The following RELN variants were observed in gnomAD, a reference collection of about 807,000 sequenced individuals.
RELN encodes reelin.
A neutral mutation model predicts 427.6 loss-of-function variants in RELN; 108 were observed. The observed-to-expected ratio is 0.25, with a 90% CI of 0.22 to 0.30. The LOEUF (loss-of-function observed/expected upper bound fraction) is 0.30. RELN is among the 10% of genes least tolerant of loss of function. The probability of loss-of-function intolerance (pLI) is 1.00; values close to 1 mark genes in which losing one functional copy is unlikely to be tolerated. For synonymous variants in RELN, 1,524 were observed against 1,513.4 expected (o/e 1.01, Z -0.16); for missense variants, 3,715 against 4,302.8 (o/e 0.86, Z 3.82).
At chr7:103,844,088 T>G in intron 2 of RELN, among the ~76,000 whole-genome samples, 1 of 152,110 alleles carries the variant, frequency 6.6e-6, no homozygotes, top group East Asian at 1.9e-4. Flanking sequence ...CAACCCAACT[T>G]CCAGTTTAGG....
intron 2 of RELN, among the ~76,000 whole-genome samples, chr7:103,869,600 T>A (rs79092766): frequency 0.011 from 1,703 of 152,222 alleles, 31 homozygotes; most frequent in African/African-American, 0.038. Flanking sequence ...TGTCCTGGCT[T>A]CCATTGTTTC....
intron 2 of RELN, among the ~76,000 whole-genome samples, chr7:103,861,573 A>T (rs1453145635): frequency 6.6e-6 from 1 of 152,146 alleles, no homozygotes. Context: ...TGCTCACCAA[A>T]AGGAAAAACC....
chr7:103,662,364 G>A (rs1355150429), intron 11 of RELN, among the ~76,000 whole-genome samples: 1 of 152,182 alleles, frequency 6.6e-6, no homozygotes, highest in Non-Finnish European at 1.5e-5. Context: ...GCTCACACAT[G>A]TAATCCTAGT....
At chr7:103,967,193 G>A (rs1477905638) in intron 1 of RELN, among the ~76,000 whole-genome samples, 1 of 152,038 alleles carries the variant, frequency 6.6e-6, no homozygotes, top group East Asian at 1.9e-4. Flanking sequence ...CTAACCCATG[G>A]AGACCAATTC....
At chr7:103,477,625 A>T (rs1457702479) in intron 64 of RELN, among the ~76,000 whole-genome samples, 1 of 152,242 alleles carries the variant, frequency 6.6e-6, no homozygotes, top group Non-Finnish European at 1.5e-5. Context: ...AGACACAAAC[A>T]TCTCACACAT....
Position 103,754,692 on chromosome 7 carries a change from C to T in RELN, c.545-1478G>A, listed in dbSNP as rs146364750. On this transcript the variant is annotated intron_variant, in intron 4 of 64. Transcript: ENST00000428762. ...TCAGGAGGCTGAGGCAGGAGGATCA[C>T]CTGAGGCCAGGAGTTTGAGGATGCA... Among the ~76,000 whole-genome samples the T allele has an allele frequency of 4.3e-3, 652 of 152,246 alleles. 3 individuals are homozygous for T. The highest frequency in any genetic ancestry group is 0.015 in the African/African-American group (613 of 41,538).
intron 2 of RELN, among the ~76,000 whole-genome samples, chr7:103,872,317 G>A (rs993518717): frequency 1.5e-5 from 2 of 135,042 alleles, no homozygotes; most frequent in Non-Finnish European, 3.2e-5. Context: ...TGCGGTGTTT[G>A]GTTTTTTGTT....
At chr7:103,602,519 A>C (rs1041236145) in intron 24 of RELN, among the ~76,000 whole-genome samples, 1 of 152,236 alleles carries the variant, frequency 6.6e-6, no homozygotes, top group African/African-American at 2.4e-5. Context: ...GGATGAGTTC[A>C]TGTCCTTTGC....
In RELN at chr7:103,540,364, C is replaced by T; in HGVS notation, c.6763G>A (p.Gly2255Ser). ...PVLLQYSLNG[G>S]LSWSLLQEFL... ...TCCTGAAGAAGACTCCACGAGAGGC[C>T]ACCGTTGAGAGAATACTGTAGGAGC... The change falls in exon 44 of 65, where the codon GGC becomes AGC. Residue 2255 changes from glycine (G) to serine (S), a missense_variant. Gly to Ser is a moderately conservative substitution (Grantham distance 56). Around this residue, in one of 4 missense-constraint regions of RELN, gnomAD observed 1,310 missense variants for 1,643.0 expected, o/e 0.80. Coordinates refer to ENST00000428762, the MANE Select transcript of RELN (RefSeq NM_005045.4). 6.2e-7 allele frequency: 1 copy of T among 1,614,078 alleles called. No individual in the cohort carries two copies. The highest frequency in any genetic ancestry group is 8.5e-7 in the Non-Finnish European group (1 of 1,180,028).
At chr7:103,737,148 G>A (rs1164080213) in intron 6 of RELN, among the ~76,000 whole-genome samples, 2 of 152,122 alleles carry the variant, frequency 1.3e-5, no homozygotes, top group Non-Finnish European at 1.5e-5. Flanking sequence ...ACAGATATAC[G>A]AGAGGTTCTG....
At position 103,864,739 on chromosome 7, in the gene RELN, A is replaced by T. The variant is rs536317826; in HGVS notation, c.338-31067T>A. On this transcript the variant is annotated intron_variant, in intron 2 of 64. Coordinates refer to ENST00000428762, the MANE Select transcript of RELN (RefSeq NM_005045.4). ...TTGGAGCAGAAATAGAAAATAGAAAAACAATAGAAAAAAACAACAAAACTG... is the reference window on the plus strand; with the variant it reads ...TTGGAGCAGAAATAGAAAATAGAAATACAATAGAAAAAAACAACAAAACTG... 3.9e-5 allele frequency among the ~76,000 whole-genome samples: 6 copies of T among 152,248 alleles called. No individual in the cohort carries two copies. The East Asian group carries it at 1.2e-3, about 29-fold the overall frequency.
intron 1 of RELN, among the ~76,000 whole-genome samples, chr7:103,959,077 G>A (rs908527578): frequency 1.2e-4 from 18 of 150,594 alleles, no homozygotes; most frequent in Non-Finnish European, 2.2e-4. Context: ...TGAGTAGTTG[G>A]GATTACAGGC....
At chr7:103,476,751 AG>A in intron 64 of RELN, 1 of 398,772 alleles carries the variant, frequency 2.5e-6, no homozygotes, top group Non-Finnish European at 5.1e-6. Flanking sequence ...ATTGGGAATT[AG>A]GGGAATTTTT....
At chr7:103,703,499 T>C (rs1228719673) in intron 8 of RELN, among the ~76,000 whole-genome samples, 1 of 152,186 alleles carries the variant, frequency 6.6e-6, no homozygotes, top group Non-Finnish European at 1.5e-5. Flanking sequence ...CCTGGCTCCC[T>C]GTACCCAGAC....
At chr7:103,843,606 GCT>G (rs1420553802) in intron 2 of RELN, among the ~76,000 whole-genome samples, 2 of 152,134 alleles carry the variant, frequency 1.3e-5, no homozygotes, top group Non-Finnish European at 2.9e-5. Context: ...ACAAGCTTAG[GCT>G]CTCTGTCTTT....
Position 103,519,514 on chromosome 7 carries a change from A to T in RELN, c.7671T>A (p.Gly2557=). Residue 2557 remains glycine, a splice_region_variant and synonymous_variant, in exon 49 of 65, where the codon GGT becomes GGA. Transcript: ENST00000428762. The stretch of plus-strand genomic sequence containing the variant: ...CCACAGTGACTAATAATCGACTACA[A>T]CCCTAAGAAAAAGAAGTAAAATAAA... ...ASGMALHFSG[G]CSRLLVTVDL... is the part of the protein sequence containing the mutation. 6.2e-7 allele frequency: 1 copy of T among 1,606,154 alleles called. No individual in the cohort carries two copies. Among genetic ancestry groups the T allele is most frequent in the Admixed American group, 1.7e-5 (1 of 59,992 alleles).
At chr7:103,852,090 C>T (rs1793836438) in intron 2 of RELN, among the ~76,000 whole-genome samples, 1 of 152,158 alleles carries the variant, frequency 6.6e-6, no homozygotes, top group African/African-American at 2.4e-5. Flanking sequence ...CTGATTAATA[C>T]ACCCTTTTAA....
At chr7:103,589,096 G>A (rs1831349235) in intron 28 of RELN, among the ~76,000 whole-genome samples, 5 of 152,136 alleles carry the variant, frequency 3.3e-5, no homozygotes, top group Admixed American at 3.3e-4. Context: ...ATCTGCTTTT[G>A]TGAAAGATAA....
intron 2 of RELN, among the ~76,000 whole-genome samples, chr7:103,838,556 C>A (rs970966886): frequency 3.3e-5 from 5 of 152,022 alleles, no homozygotes; most frequent in African/African-American, 1.2e-4. Context: ...ACAGAGTGCC[C>A]AAGGAGACTC....
Sources: allele counts gnomAD v4.1 joint callset (sites outside exome capture counted in the v4.1 genomes callset), GRCh38; gene constraint gnomAD v4.1.1; regional missense constraint gnomAD v4.1.1; transcripts MANE v1.5; gene names NCBI Gene and HGNC (gene_info 2026-07-23, HGNC 2026-07-21).